The following ADAMTS17 variants were observed in gnomAD, a reference collection of about 807,000 sequenced individuals.
ADAMTS17 encodes ADAM metallopeptidase with thrombospondin type 1 motif 17.
A neutral mutation model predicts 141.5 loss-of-function variants in ADAMTS17; 113 were observed. The ratio of observed to expected loss-of-function variants is 0.80; its 90% CI spans 0.69 to 0.93. The LOEUF (loss-of-function observed/expected upper bound fraction) is 0.93. ADAMTS17 is among the 40% of genes least tolerant of loss of function. The pLI, the probability that ADAMTS17 is intolerant of heterozygous loss-of-function variation, is 0.00. For missense variants in ADAMTS17, 1,659 were observed against 1,517.9 expected, an observed-to-expected ratio of 1.09 and a Z score of -1.54; for synonymous variants, 768 against 630.6, an observed-to-expected ratio of 1.22 and a Z score of -3.27.
intron 7 of ADAMTS17, among the ~76,000 whole-genome samples, chr15:100,217,513 C>A (rs1225360081): frequency 1.3e-5 from 2 of 152,052 alleles, no homozygotes; most frequent in African/African-American, 4.8e-5. Context: ...GCAGGAGAAT[C>A]GCTTGAATCC....
At chr15:100,020,035 A>G (rs1402894199) in intron 18 of ADAMTS17, among the ~76,000 whole-genome samples, 3 of 152,016 alleles carry the variant, frequency 2.0e-5, no homozygotes, top group African/African-American at 4.8e-5. Flanking sequence ...GACGTGGCAT[A>G]GTTTTCCCAG....
At chr15:100,003,461 A>G (rs1229934859) in intron 18 of ADAMTS17, among the ~76,000 whole-genome samples, 4 of 152,082 alleles carry the variant, frequency 2.6e-5, no homozygotes, top group Non-Finnish European at 5.9e-5. Flanking sequence ...GGCCGCGAGT[A>G]AGCGAGGCCA....
At chr15:100,289,529 CAT>C (rs879336321) in intron 3 of ADAMTS17, among the ~76,000 whole-genome samples, 1,889 of 139,716 alleles carry the variant, frequency 0.014, 17 homozygotes, top group Admixed American at 0.019. Flanking sequence ...CAGACACACA[CAT>C]ACACACATAC....
chr15:100,338,273 GA>G (rs139104010), intron 2 of ADAMTS17, among the ~76,000 whole-genome samples: 2,845 of 152,220 alleles, frequency 0.019, 27 homozygotes, highest in South Asian at 0.028. Context: ...GCTACGGAAT[GA>G]TCTATTCTAA....
chr15:99,978,252 C>T (rs2060408961), intron 20 of ADAMTS17, among the ~76,000 whole-genome samples: 1 of 152,194 alleles, frequency 6.6e-6, no homozygotes, highest in Non-Finnish European at 1.5e-5. Context: ...TTCTGCAAGC[C>T]AGGTGGATTC....
chr15:100,331,158 T>G, intron 2 of ADAMTS17, 104 bp from the exon 3 acceptor site: 1 of 1,451,268 alleles, frequency 6.9e-7, no homozygotes, highest in Non-Finnish European at 9.5e-7. Context: ...GATTTGGTTT[T>G]CCAGGTCTGG....
At chr15:100,261,672 G>C (rs760073982) in intron 5 of ADAMTS17, 36 bp from the exon 6 acceptor site, 1 of 1,599,244 alleles carries the variant, frequency 6.3e-7, no homozygotes, top group South Asian at 1.1e-5. Context: ...AGAAACAAAC[G>C]CCTGGGAGGC....
chr15:100,047,033 C>A (rs980429130), intron 18 of ADAMTS17, among the ~76,000 whole-genome samples: 2 of 151,996 alleles, frequency 1.3e-5, no homozygotes, highest in African/African-American at 2.4e-5. Flanking sequence ...CAAGGAACAT[C>A]CCTGAGAAAG....
Position 99,974,276 on chromosome 15 carries a change from C to T in ADAMTS17, c.*126G>A. 4.7e-6 allele frequency: 6 copies of T among 1,271,384 alleles called. No homozygotes were observed. Among genetic ancestry groups the T allele is most frequent in the Non-Finnish European group, 1.1e-6 (1 of 883,178 alleles). 78.8% of individuals were successfully genotyped at this position (1,271,384 alleles called of 1,614,324 possible). On this transcript the variant is annotated 3_prime_UTR_variant, in exon 22 of 22. Transcript: ENST00000268070. ...ACTAATGGCAAACGCCAAGTCCACG[C>T]TCATGTTCTATGTAGTTGGATTCTT...
intron 7 of ADAMTS17, among the ~76,000 whole-genome samples, chr15:100,234,216 C>T (rs2042582560): frequency 6.6e-6 from 1 of 152,170 alleles, no homozygotes; most frequent in Admixed American, 6.5e-5. Flanking sequence ...GTGTATCGGG[C>T]ACCTTCAGAA....
chr15:100,013,766 T>C (rs142968793), intron 18 of ADAMTS17, among the ~76,000 whole-genome samples: 1 of 152,376 alleles, frequency 6.6e-6, no homozygotes, highest in African/African-American at 2.4e-5. Flanking sequence ...CTTTTTGATA[T>C]GTTGCTGGAT....
intron 7 of ADAMTS17, among the ~76,000 whole-genome samples, chr15:100,203,426 G>T (rs1228699875): frequency 6.6e-6 from 1 of 152,148 alleles, no homozygotes; most frequent in Non-Finnish European, 1.5e-5. Flanking sequence ...TACAAAATTG[G>T]TTGGGTGTGG....
chr15:100,073,679 C>G lies in ADAMTS17; in HGVS notation c.2138-19625G>C, dbSNP rs538497594. On this transcript the variant is annotated intron_variant, in intron 15 of 21. Coordinates refer to ENST00000268070, the MANE Select transcript of ADAMTS17 (RefSeq NM_139057.4). Reference sequence around the variant, plus strand: ...ATCACAAGGACAAAAAACCAAACACCGCATGTTCTCACTCATAGGTGGGAA... The same window carrying G: ...ATCACAAGGACAAAAAACCAAACACGGCATGTTCTCACTCATAGGTGGGAA... Among the ~76,000 whole-genome samples, 50 of 148,974 alleles carry G rather than the reference C, an allele frequency of 3.4e-4. No individual in the cohort carries two copies. The East Asian group carries it at 9.1e-3, about 27-fold the overall frequency.
At chr15:100,123,121 G>A (rs927620406) in intron 12 of ADAMTS17, among the ~76,000 whole-genome samples, 1 of 152,172 alleles carries the variant, frequency 6.6e-6, no homozygotes, top group Non-Finnish European at 1.5e-5. Context: ...GATGAAGCCT[G>A]AACTGTGTGG....
chr15:100,309,890 A>G (rs2045348464), intron 3 of ADAMTS17, among the ~76,000 whole-genome samples: 1 of 152,156 alleles, frequency 6.6e-6, no homozygotes, highest in Non-Finnish European at 1.5e-5. Flanking sequence ...TGAAGCAAAC[A>G]CAGCAGAGAC....
intron 15 of ADAMTS17, among the ~76,000 whole-genome samples, chr15:100,080,156 T>C (rs1017796064): frequency 6.6e-6 from 1 of 152,180 alleles, no homozygotes; most frequent in African/African-American, 2.4e-5. Flanking sequence ...AAATTTTTGC[T>C]TCCTGTTCCC....
At chr15:100,238,312 C>T (rs924932876) in intron 7 of ADAMTS17, among the ~76,000 whole-genome samples, 5 of 151,570 alleles carry the variant, frequency 3.3e-5, no homozygotes, top group Admixed American at 3.3e-4. Flanking sequence ...TCGCCAGCCT[C>T]CATCCACACT....
rs2060815799 is a variant in ADAMTS17 at position 99,997,022 on chromosome 15, T to TA, written c.2796+362dup. On this transcript the variant is annotated intron_variant, in intron 19 of 21. Coordinates refer to ENST00000268070, the MANE Select transcript of ADAMTS17 (RefSeq NM_139057.4). The surrounding 1 kb of genome is among the most constrained non-coding windows in gnomAD (Gnocchi z 4.7). Reference sequence around the variant, plus strand: ...TAATCTACAAAGACTGCTGGGGGATTAAAGGCAAACCTTTGAAACCACCTT... The same window carrying TA: ...TAATCTACAAAGACTGCTGGGGGATTAAAAGGCAAACCTTTGAAACCACCTT... 1.3e-5 allele frequency among the ~76,000 whole-genome samples: 2 copies of TA among 152,214 alleles called. No homozygotes were observed. Among genetic ancestry groups the TA allele is most frequent in the Admixed American group, 1.3e-4 (2 of 15,280 alleles).
Position 100,051,738 on chromosome 15 carries a change from C to G in ADAMTS17, c.2296-7G>C, listed in dbSNP as rs377741696. On this transcript the variant is annotated splice_region_variant and splice_polypyrimidine_tract_variant and intron_variant, in intron 16 of 21. Coordinates refer to ENST00000268070, the MANE Select transcript of ADAMTS17 (RefSeq NM_139057.4). Reference sequence around the variant, plus strand: ...GGTCGTGAAATAACAACACCTGGATCAGCCGCAAAACAAAAGGCCATTTTG... The same window carrying G: ...GGTCGTGAAATAACAACACCTGGATGAGCCGCAAAACAAAAGGCCATTTTG... 6.8e-6 allele frequency: 11 copies of G among 1,614,030 alleles called. No homozygotes were observed. Among genetic ancestry groups the G allele is most frequent in the Admixed American group, 1.7e-5 (1 of 60,006 alleles).
Sources: allele counts gnomAD v4.1 joint callset (sites outside exome capture counted in the v4.1 genomes callset), GRCh38; gene constraint gnomAD v4.1.1; non-coding constraint Gnocchi (gnomAD v3.1); transcripts MANE v1.5; gene names NCBI Gene and HGNC (gene_info 2026-07-23, HGNC 2026-07-21).